Variants in HOPX observed in about 807,000 individuals in gnomAD.
The protein encoded by HOPX is HOP homeobox.
Under a neutral mutation model 11.8 loss-of-function variants are expected in HOPX, and 5 were observed. That is an observed-to-expected ratio of 0.43 (90% CI 0.22 to 0.89). HOPX has a LOEUF of 0.89. Among genes scored for constraint, HOPX ranks in the 40% least tolerant of loss-of-function variants. The pLI is 0.28. For synonymous variants in HOPX, 49 were observed against 49.7 expected (o/e 0.99, Z 0.06); for missense variants, 119 against 120.0 (o/e 0.99, Z 0.04).
chr4:56,669,022 C>T (rs758901092), intron 1 of HOPX, among the ~76,000 whole-genome samples: 8 of 152,200 alleles, frequency 5.3e-5, no homozygotes, highest in Non-Finnish European at 8.8e-5. Flanking sequence ...TAGTGTAAAA[C>T]GGCATATGCA....
At chr4:56,681,582 T>C, upstream of HOPX, 2 of 1,000,160 alleles carry the variant, frequency 2.0e-6, no homozygotes, top group Non-Finnish European at 2.4e-6. Flanking sequence ...CAAGATAGGA[T>C]AAGAGAGATG....
chr4:56,652,775 G>A (rs1717332480), intron 3 of HOPX, among the ~76,000 whole-genome samples: 1 of 152,036 alleles, frequency 6.6e-6, no homozygotes, highest in African/African-American at 2.4e-5. Context: ...AGCCATAGTC[G>A]TGCCACTGTA....
At position 56,681,253 on chromosome 4, in the gene HOPX, A is replaced by G; in HGVS notation, c.-84+2T>C. The G allele has an allele frequency of 1.0e-6, 1 of 985,396 alleles. No individual in the cohort carries two copies. Among genetic ancestry groups the G allele is most frequent in the Non-Finnish European group, 1.2e-6 (1 of 829,922 alleles). The allele number at this position is 985,396 out of a possible 1,614,324, so 61.0% of individuals were successfully genotyped here. On this transcript the variant is annotated splice_donor_variant, in intron 1 of 3. Transcript: ENST00000420433. LOFTEE classifies it low-confidence loss of function (5UTR_SPLICE). ...AAAGGCAGACCTTTGAAAGGTACTT[A>G]CGTGGAAGAGGCAAAGGCAAGCGCA...
intron 3 of HOPX, chr4:56,649,311 A>G (rs1402098364): frequency 6.6e-6 from 1 of 152,292 alleles, no homozygotes; most frequent in Non-Finnish European, 1.5e-5. Flanking sequence ...AAATTAATCA[A>G]TATTTGCTGA....
chr4:56,670,076 G>T (rs1718655471), intron 1 of HOPX, among the ~76,000 whole-genome samples: 2 of 152,156 alleles, frequency 1.3e-5, no homozygotes, highest in South Asian at 2.1e-4. Context: ...TTATGCTTGG[G>T]CCTCTGCCTG....
Position 56,657,872 on chromosome 4 carries a change from C to T in HOPX, c.-56G>A, listed in dbSNP as rs1054060400. 14 of 1,551,278 alleles carry T rather than the reference C, an allele frequency of 9.0e-6. No homozygotes were observed. Among genetic ancestry groups the T allele is most frequent in the Non-Finnish European group, 1.2e-5 (14 of 1,146,806 alleles). ...CTGGTGACCTGTGCTCCGCTAGACC[C>T]TTCTCAGTGGGGCAGTCTGTCATTA... On this transcript the variant is annotated 5_prime_UTR_variant, in exon 2 of 4. Transcript: ENST00000420433.
intron 1 of HOPX, among the ~76,000 whole-genome samples, chr4:56,677,235 C>G (rs548355686): frequency 4.0e-5 from 6 of 151,780 alleles, no homozygotes; most frequent in African/African-American, 1.5e-4. Context: ...TTAGAAAAAA[C>G]AATCTAACAG....
chr4:56,674,246 T>G (rs139300781), intron 1 of HOPX, among the ~76,000 whole-genome samples: 1 of 151,744 alleles, frequency 6.6e-6, no homozygotes, highest in East Asian at 1.9e-4. Flanking sequence ...CTTCCAACAT[T>G]AGTTATTAAA....
At chr4:56,657,593 T>G (rs577939116) in intron 2 of HOPX, among the ~76,000 whole-genome samples, 182 bp downstream of exon 2, 1 of 152,306 alleles carries the variant, frequency 6.6e-6, no homozygotes, top group South Asian at 2.1e-4. Flanking sequence ...CAAGCCACCA[T>G]GAAATCCCAT....
intron 1 of HOPX, among the ~76,000 whole-genome samples, chr4:56,661,459 G>A (rs1242249407): frequency 6.6e-6 from 1 of 152,020 alleles, no homozygotes; most frequent in Non-Finnish European, 1.5e-5. Flanking sequence ...ATTTCTCTAG[G>A]GTATACAGTA....
At chr4:56,677,571 C>T (rs1019917707) in intron 1 of HOPX, among the ~76,000 whole-genome samples, 1 of 151,554 alleles carries the variant, frequency 6.6e-6, no homozygotes, top group African/African-American at 2.4e-5. Context: ...AAAACAAGCC[C>T]TGAGAGAATA....
At position 56,648,584 on chromosome 4, in the gene HOPX, A is replaced by T; in HGVS notation, c.*136T>A. ...TATGTACATTTAGAAAAAAAATACA[A>T]CACTGTGTTAAACAGCAGGACAGCT... On this transcript the variant is annotated 3_prime_UTR_variant, in exon 4 of 4. Coordinates refer to ENST00000420433, the MANE Select transcript of HOPX (RefSeq NM_032495.6). The T allele has an allele frequency of 1.3e-5, 7 of 551,584 alleles. No individual in the cohort carries two copies. The allele number at this position is 551,584 out of a possible 1,614,324, so 34.2% of individuals were successfully genotyped here.
intron 3 of HOPX, among the ~76,000 whole-genome samples, chr4:56,654,368 G>A (rs990114160): frequency 1.3e-5 from 2 of 152,172 alleles, no homozygotes; most frequent in Non-Finnish European, 2.9e-5. Context: ...GGCCGAGAAG[G>A]GGTTGGACCT....
At chr4:56,661,788 G>C (rs2109506354) in intron 1 of HOPX, among the ~76,000 whole-genome samples, 1 of 152,292 alleles carries the variant, frequency 6.6e-6, no homozygotes, top group Admixed American at 6.5e-5. Flanking sequence ...AGCCCAAAAG[G>C]AGAGTTGAGT....
intron 1 of HOPX, among the ~76,000 whole-genome samples, chr4:56,676,965 G>A (rs1719049490): frequency 6.6e-6 from 1 of 151,726 alleles, no homozygotes; most frequent in South Asian, 2.1e-4. Context: ...GGAGGGGGTG[G>A]GGGGGCTGCC....
intron 3 of HOPX, 94 bp downstream of exon 3, chr4:56,655,763 C>T (rs1717631820): frequency 7.1e-7 from 1 of 1,416,692 alleles, no homozygotes; most frequent in Non-Finnish European, 9.6e-7. Context: ...GGAGGGCAGC[C>T]CGGCGGGAGG....
At chr4:56,672,035 T>C (rs1402937707) in intron 1 of HOPX, among the ~76,000 whole-genome samples, 1 of 152,074 alleles carries the variant, frequency 6.6e-6, no homozygotes, top group Non-Finnish European at 1.5e-5. Context: ...ATTAAGGTTC[T>C]AATCTAGCTT....
intron 1 of HOPX, chr4:56,680,602 T>C (rs1719272925): frequency 6.8e-6 from 1 of 147,730 alleles, no homozygotes; most frequent in African/African-American, 2.7e-5. Context: ...CTTATTCCAC[T>C]TTACTTAACA....
intron 1 of HOPX, chr4:56,659,019 C>G (rs1717948792): frequency 6.6e-6 from 1 of 152,206 alleles, no homozygotes. Flanking sequence ...TTAAAAATAT[C>G]TACTTTTATA....
Sources: allele counts gnomAD v4.1 joint callset (sites outside exome capture counted in the v4.1 genomes callset), GRCh38; gene constraint gnomAD v4.1.1; transcripts MANE v1.5; gene names NCBI Gene and HGNC (gene_info 2026-07-23, HGNC 2026-07-21).